The following PLPP4 variants were observed in gnomAD, a reference collection of about 807,000 sequenced individuals.
PLPP4 encodes phospholipid phosphatase 4.
In PLPP4, 20 loss-of-function variants were observed where a neutral mutation model predicts 32.2. The observed-to-expected ratio is 0.62, with a 90% CI of 0.44 to 0.90. PLPP4 has a LOEUF of 0.90. Ranked by LOEUF, PLPP4 falls within the 40% of genes least tolerant of loss-of-function variation. The probability of loss-of-function intolerance (pLI) is 0.00; values close to 1 mark genes in which losing one functional copy is unlikely to be tolerated. For synonymous variants in PLPP4, 127 were observed against 133.0 expected (o/e 0.95, Z 0.31); for missense variants, 257 against 353.1 (o/e 0.73, Z 2.18).
At chr10:120,484,572 G>A (rs1210862302) in intron 1 of PLPP4, among the ~76,000 whole-genome samples, 1 of 152,134 alleles carries the variant, frequency 6.6e-6, no homozygotes, top group African/African-American at 2.4e-5. Flanking sequence ...CATTCAACGG[G>A]GCAAAGCCCT....
chr10:120,469,514 A>G (rs1167692239), intron 1 of PLPP4, among the ~76,000 whole-genome samples: 1 of 152,068 alleles, frequency 6.6e-6, no homozygotes, highest in Non-Finnish European at 1.5e-5. Flanking sequence ...GGCATGACAC[A>G]CCGTGCCCGG....
intron 5 of PLPP4, among the ~76,000 whole-genome samples, chr10:120,571,522 AT>A (rs1848942643): frequency 1.3e-5 from 2 of 152,210 alleles, no homozygotes; most frequent in South Asian, 4.2e-4. Context: ...AGCAAGTCCT[AT>A]GGCTAGAGTC....
chr10:120,504,709 A>C (rs1200048441), intron 2 of PLPP4, among the ~76,000 whole-genome samples: 1 of 152,244 alleles, frequency 6.6e-6, no homozygotes, highest in East Asian at 1.9e-4. Flanking sequence ...TGTCTGGGCT[A>C]TGCTGAGTTA....
intron 1 of PLPP4, among the ~76,000 whole-genome samples, chr10:120,491,555 A>T (rs1228456479): frequency 6.6e-6 from 1 of 152,066 alleles, no homozygotes; most frequent in African/African-American, 2.4e-5. Context: ...TGAAATCTAG[A>T]TGAAGCTAAA....
chr10:120,591,595 A>G lies in PLPP4; in HGVS notation c.*2093A>G, dbSNP rs946016464. Among the ~76,000 whole-genome samples, 1 of 148,212 alleles carries G rather than the reference A, an allele frequency of 6.7e-6. No individual in the cohort carries two copies. Among genetic ancestry groups the G allele is most frequent in the Non-Finnish European group, 1.5e-5 (1 of 67,144 alleles). On this transcript the variant is annotated 3_prime_UTR_variant, in exon 7 of 7. Transcript: ENST00000398250. ...ATAAAGCCCAAAATAGAAATGTAGGAAAAAGATCCTTTGCTACTGTTAAAA... is the reference window on the plus strand; with the variant it reads ...ATAAAGCCCAAAATAGAAATGTAGGGAAAAGATCCTTTGCTACTGTTAAAA...
chr10:120,573,780 G>T (rs12217802), intron 5 of PLPP4, among the ~76,000 whole-genome samples: 5,018 of 152,276 alleles, frequency 0.033, 109 homozygotes, highest in South Asian at 0.081. Flanking sequence ...TGTGTGCACA[G>T]ATCGCTGGTG....
At chr10:120,548,285 T>C (rs1411806274) in intron 5 of PLPP4, among the ~76,000 whole-genome samples, 1 of 152,090 alleles carries the variant, frequency 6.6e-6, no homozygotes, top group African/African-American at 2.4e-5. Context: ...TGTGTTCATA[T>C]ATACTCAGTG....
intron 1 of PLPP4, among the ~76,000 whole-genome samples, chr10:120,461,147 A>T (rs770377146): frequency 5.3e-5 from 8 of 152,224 alleles, no homozygotes; most frequent in Non-Finnish European, 8.8e-5. Context: ...AGGTGGAGGG[A>T]TGGCAGCAGT....
intron 6 of PLPP4, among the ~76,000 whole-genome samples, chr10:120,582,243 C>T (rs866962881): frequency 3.9e-5 from 6 of 152,186 alleles, no homozygotes; most frequent in Admixed American, 2.6e-4. Context: ...GCAAAGCCAC[C>T]CTCTCTCTGA....
intron 5 of PLPP4, among the ~76,000 whole-genome samples, chr10:120,549,953 G>C (rs1847811530): frequency 6.6e-6 from 1 of 151,866 alleles, no homozygotes; most frequent in South Asian, 2.1e-4. Flanking sequence ...TATTTCTACT[G>C]TTTCTATTCA....
intron 1 of PLPP4, among the ~76,000 whole-genome samples, chr10:120,461,120 C>T (rs1455498397): frequency 2.0e-5 from 3 of 152,182 alleles, no homozygotes; most frequent in African/African-American, 7.2e-5. Context: ...AAATCTCATG[C>T]TAGGATGACA....
intron 5 of PLPP4, among the ~76,000 whole-genome samples, chr10:120,546,987 T>C (rs1454805052): frequency 6.6e-6 from 1 of 152,204 alleles, no homozygotes; most frequent in Admixed American, 6.5e-5. Flanking sequence ...GAATAATAGA[T>C]GTTCACAGGT....
intron 6 of PLPP4, among the ~76,000 whole-genome samples, chr10:120,582,361 G>T (rs1254333794): frequency 6.6e-6 from 1 of 152,054 alleles, no homozygotes; most frequent in African/African-American, 2.4e-5. Context: ...TCTTCCCATG[G>T]TGTTTTCTCT....
intron 5 of PLPP4, among the ~76,000 whole-genome samples, chr10:120,530,068 T>C (rs1015571520): frequency 6.6e-6 from 1 of 152,244 alleles, no homozygotes; most frequent in South Asian, 2.1e-4. Context: ...TACAGCATTC[T>C]GCCCTTCTTG....
intron 1 of PLPP4, among the ~76,000 whole-genome samples, chr10:120,479,246 C>T (rs1226396889): frequency 6.8e-6 from 1 of 148,120 alleles, no homozygotes; most frequent in South Asian, 2.2e-4. Flanking sequence ...AAAACAAAAA[C>T]AAACCAAAAA....
intron 5 of PLPP4, among the ~76,000 whole-genome samples, chr10:120,556,623 A>G (rs1848175872): frequency 6.6e-6 from 1 of 152,234 alleles, no homozygotes; most frequent in African/African-American, 2.4e-5. Context: ...GCTAGCATTT[A>G]TTGAGTACTT....
intron 1 of PLPP4, among the ~76,000 whole-genome samples, chr10:120,488,335 A>G (rs1844558441): frequency 6.6e-6 from 1 of 152,356 alleles, no homozygotes; most frequent in Non-Finnish European, 1.5e-5. Flanking sequence ...ATGAATGATG[A>G]CTGAAAGCTA....
intron 5 of PLPP4, among the ~76,000 whole-genome samples, chr10:120,562,745 C>T (rs1410440378): frequency 1.3e-5 from 2 of 152,114 alleles, no homozygotes; most frequent in Non-Finnish European, 2.9e-5. Flanking sequence ...AAGATGTATT[C>T]CCCTTTTACT....
In PLPP4 at chr10:120,538,841, T is replaced by C. The variant is rs545895703; in HGVS notation, c.445+17746T>C. 2.0e-5 allele frequency among the ~76,000 whole-genome samples: 3 copies of C among 152,352 alleles called. No individual in the cohort carries two copies. The South Asian group carries it at 6.2e-4, about 32-fold the overall frequency. ...CTGAGGTCTTTACTATTACTAGCCCTATTGTCCAGTTGAGGAAACTGAGAG... is the reference window on the plus strand; with the variant it reads ...CTGAGGTCTTTACTATTACTAGCCCCATTGTCCAGTTGAGGAAACTGAGAG... On this transcript the variant is annotated intron_variant, in intron 5 of 6. Transcript: ENST00000398250.
Sources: allele counts gnomAD v4.1 joint callset (sites outside exome capture counted in the v4.1 genomes callset), GRCh38; gene constraint gnomAD v4.1.1; transcripts MANE v1.5; gene names NCBI Gene and HGNC (gene_info 2026-07-23, HGNC 2026-07-21).